Variants in PTPRU observed in about 807,000 individuals in gnomAD.
PTPRU encodes the protein protein tyrosine phosphatase receptor type U.
Under a neutral mutation model 166.3 loss-of-function variants are expected in PTPRU, and 69 were observed. The ratio of observed to expected loss-of-function variants is 0.41; its 90% confidence interval spans 0.34 to 0.51. The LOEUF (loss-of-function observed/expected upper bound fraction) is 0.51. PTPRU is among the 20% of genes least tolerant of loss of function. The probability of loss-of-function intolerance (pLI) is 0.09; values close to 1 mark genes in which losing one functional copy is unlikely to be tolerated. For missense variants in PTPRU, 1,657 were observed against 2,013.7 expected (o/e 0.82, Z 3.39); for synonymous variants, 793 against 814.0 (o/e 0.97, Z 0.44).
intron 7 of PTPRU, among the ~76,000 whole-genome samples, chr1:29,261,289 C>G (rs536793658): frequency 6.6e-6 from 1 of 152,278 alleles, no homozygotes; most frequent in East Asian, 1.9e-4. Flanking sequence ...AATCTGTGTT[C>G]TTAATTCTAC....
At position 29,283,014 on chromosome 1, in the gene PTPRU, C is replaced by A. The variant is rs1043177604; in HGVS notation, c.2142+65C>A. On this transcript the variant is annotated intron_variant, in intron 12 of 29. Transcript: ENST00000373779. ...GTGGGGGGATGGCAGACAGGAGATACCTTGGAGCAGGCCCAGCGCAGACTC... is the reference window on the plus strand; with the variant it reads ...GTGGGGGGATGGCAGACAGGAGATAACTTGGAGCAGGCCCAGCGCAGACTC... The A allele has an allele frequency of 2.7e-5, 42 of 1,580,706 alleles. No homozygotes were observed. The African/African-American group carries it at 5.2e-4, about 20-fold the overall frequency.
chr1:29,278,260 T>C (rs17262440), intron 8 of PTPRU, among the ~76,000 whole-genome samples: 6,664 of 152,288 alleles, frequency 0.044, 154 homozygotes, highest in South Asian at 0.077. Context: ...TTTTCTGTTC[T>C]GCACAGCATT....
chr1:29,292,514 G>A (rs1053021823), intron 15 of PTPRU, among the ~76,000 whole-genome samples: 8 of 152,184 alleles, frequency 5.3e-5, no homozygotes, highest in African/African-American at 1.9e-4. Flanking sequence ...CCGATGTGAA[G>A]ACTAAATGAG....
At position 29,258,648 on chromosome 1, in the gene PTPRU, C is replaced by T; in HGVS notation, c.349C>T (p.Leu117=). The change falls in exon 3 of 30, where the codon CTG becomes TTG. Residue 117 remains leucine, a synonymous_variant. Transcript: ENST00000373779. ...CCGGGACGGGCACAGCCCGGGCACC[C>T]TGGGCGTCTACGTGCGCGTTAATGG... The part of the protein sequence containing the change: ...YSRDGHSPGT[L]GVYVRVNGGP... 2.5e-6 allele frequency: 4 copies of T among 1,614,260 alleles called. No individual in the cohort carries two copies. The highest frequency in any genetic ancestry group is 3.4e-6 in the Non-Finnish European group (4 of 1,180,040).
Position 29,241,085 on chromosome 1 carries a change from G to A in PTPRU, c.73+4368G>A, listed in dbSNP as rs111480471. The stretch of plus-strand genomic sequence containing the variant: ...GCATGGACACATGTGACCTGTTAGG[G>A]TGTCTAGCCATCTGGTTATCGTGTG... On this transcript the variant is annotated intron_variant, in intron 1 of 29. Transcript: ENST00000373779. Among the ~76,000 whole-genome samples the A allele has an allele frequency of 7.0e-3, 1,068 of 152,284 alleles. 7 individuals are homozygous for A. The highest frequency in any genetic ancestry group is 0.011 in the Non-Finnish European group (733 of 68,018).
At position 29,280,679 on chromosome 1, in the gene PTPRU, GTA is replaced by G. The variant is rs1190053268; in HGVS notation, c.1868+540_1868+541del. ...TGTGTGTGTGTGTGTGTGTGTGTGT[GTA>G]TGTGGGATGTGAAACTGGGTGTGTC... On this transcript the variant is annotated intron_variant, in intron 11 of 29. Transcript: ENST00000373779. This position sits in a 1 kb window ranked among gnomAD's most constrained non-coding sequence, Gnocchi z 4.2. Among the ~76,000 whole-genome samples, 9 of 151,200 alleles carry G rather than the reference GTA, an allele frequency of 6.0e-5. No individual in the cohort carries two copies. The highest frequency in any genetic ancestry group is 5.9e-4 in the Admixed American group (9 of 15,192).
chr1:29,298,371 T>G (rs1317173854), intron 15 of PTPRU, among the ~76,000 whole-genome samples: 2 of 152,230 alleles, frequency 1.3e-5, no homozygotes, highest in Non-Finnish European at 2.9e-5. Flanking sequence ...CACTTGCTGG[T>G]CTGCCTTCCA....
chr1:29,240,433 G>T (rs1212415903), intron 1 of PTPRU, among the ~76,000 whole-genome samples: 4 of 152,116 alleles, frequency 2.6e-5, no homozygotes, highest in Non-Finnish European at 5.9e-5. Context: ...AGTTTAAGGG[G>T]GCCAGGTTCA....
At position 29,275,581 on chromosome 1, in the gene PTPRU, C is replaced by G; in HGVS notation, c.1278C>G (p.Thr426=). 1 of 1,614,192 alleles carries G rather than the reference C, an allele frequency of 6.2e-7. No individual in the cohort carries two copies. Among genetic ancestry groups the G allele is most frequent in the Non-Finnish European group, 8.5e-7 (1 of 1,180,048 alleles). ...CTGTGTCGCTGTGCTATCACTACAC[C>G]CTGGGCAGCAGCCACAACCAGACCA... ...TYTVSLCYHY[T]LGSSHNQTIR... Residue 426 remains threonine, a synonymous_variant, in exon 8 of 30, where the codon ACC becomes ACG. Coordinates refer to ENST00000373779, the MANE Select transcript of PTPRU (RefSeq NM_133178.4).
chr1:29,288,768 C>A (rs569832465), intron 14 of PTPRU, among the ~76,000 whole-genome samples: 4 of 152,248 alleles, frequency 2.6e-5, no homozygotes, highest in Admixed American at 2.0e-4. Context: ...GTTCCAGGAC[C>A]AGGGTCCTGG....
intron 7 of PTPRU, among the ~76,000 whole-genome samples, chr1:29,264,802 G>A (rs990444336): frequency 3.9e-5 from 6 of 152,092 alleles, no homozygotes; most frequent in African/African-American, 9.7e-5. Flanking sequence ...GGCCAACTTC[G>A]TTCTTTTGTA....
chr1:29,312,437 G>A (rs1687707864), intron 21 of PTPRU, 115 bp from the exon 22 acceptor site: 1 of 986,922 alleles, frequency 1.0e-6, no homozygotes, highest in Admixed American at 2.6e-5. Flanking sequence ...TTGATCATTG[G>A]GATTAGTTGA....
intron 14 of PTPRU, among the ~76,000 whole-genome samples, chr1:29,289,101 G>T (rs1686497010): frequency 6.7e-6 from 1 of 149,086 alleles, no homozygotes; most frequent in African/African-American, 2.5e-5. Flanking sequence ...CAGGCAAAGG[G>T]CTGACCCCTT....
In PTPRU at chr1:29,282,720, G is replaced by C; in HGVS notation, c.1913G>C (p.Arg638Pro). The C allele has an allele frequency of 1.2e-6, 2 of 1,613,620 alleles. No homozygotes were observed. The highest frequency in any genetic ancestry group is 1.7e-6 in the Non-Finnish European group (2 of 1,179,976). ...IVEEERARRL[R>P]REPGGQDCFP... is the part of the protein sequence containing the mutation. ...GAGGAGGAGCGGGCGCGGAGGCTGC[G>C]GCGGGAGCCAGGTGGACAGGACTGC... The change falls in exon 12 of 30, where the codon CGG becomes CCG. Residue 638 changes from arginine to proline, a missense_variant. By Grantham distance (103) the Arg-to-Pro change is moderately radical (BLOSUM62 -2). Coordinates refer to ENST00000373779, the MANE Select transcript of PTPRU (RefSeq NM_133178.4).
chr1:29,268,512 T>G (rs1338338202), intron 7 of PTPRU, among the ~76,000 whole-genome samples: 3 of 152,200 alleles, frequency 2.0e-5, no homozygotes, highest in Non-Finnish European at 4.4e-5. Context: ...ATGTTCATAG[T>G]GCTGAGGTTG....
Position 29,257,483 on chromosome 1 carries a change from G to A in PTPRU, c.206-1022G>A, listed in dbSNP as rs1684824350. Among the ~76,000 whole-genome samples the A allele has an allele frequency of 6.6e-6, 1 of 152,134 alleles. No homozygotes were observed. The highest frequency in any genetic ancestry group is 2.4e-5 in the African/African-American group (1 of 41,422). On this transcript the variant is annotated intron_variant, in intron 2 of 29. Transcript: ENST00000373779. The surrounding 1 kb of genome is among the most constrained non-coding windows in gnomAD (Gnocchi z 4.6). ...GAGGAGGCAGCGCTGGGTGGTTTCG[G>A]GTGCCCTTTGGGAAGCCCAAATCCC...
chr1:29,325,559 G>A lies in PTPRU; in HGVS notation c.4249-40G>A, dbSNP rs758069983. The A allele has an allele frequency of 2.5e-6, 4 of 1,578,714 alleles. No homozygotes were observed. In the South Asian group the frequency reaches 3.3e-5, roughly 13 times the overall value. ...CCTCCCCCCACAATACTGGAGTTGG[G>A]GTCAGGCTCATGATTCCCTCCCTCT... On this transcript the variant is annotated intron_variant, in intron 29 of 29. Transcript: ENST00000373779.
chr1:29,272,920 A>G (rs1036106539), intron 7 of PTPRU, among the ~76,000 whole-genome samples: 81 of 146,866 alleles, frequency 5.5e-4, no homozygotes, highest in Non-Finnish European at 1.2e-3. Flanking sequence ...AAAAAAAAAA[A>G]AAAAAAAGAA....
chr1:29,238,290 C>T lies in PTPRU; in HGVS notation c.73+1573C>T, dbSNP rs550904311. 6.6e-6 allele frequency among the ~76,000 whole-genome samples: 1 copy of T among 152,242 alleles called. No individual in the cohort carries two copies. Among genetic ancestry groups the T allele is most frequent in the South Asian group, 2.1e-4 (1 of 4,830 alleles). The stretch of plus-strand genomic sequence containing the variant: ...GTGTGCGTGCGCGTGTTCCACATCC[C>T]ACCCTGAGGCCTGGGATCCTAGACC... On this transcript the variant is annotated intron_variant, in intron 1 of 29. Transcript: ENST00000373779. This position sits in a 1 kb window ranked among gnomAD's most constrained non-coding sequence, Gnocchi z 6.1.
Sources: gnomAD v4.1 joint callset for allele counts (sites outside exome capture counted in the v4.1 genomes callset) on GRCh38, gnomAD v4.1.1 for gene constraint, Gnocchi (gnomAD v3.1) non-coding constraint, MANE v1.5 for transcripts, NCBI Gene and HGNC (gene_info 2026-07-23, HGNC 2026-07-21) for gene names.